The following ROBO2 variants were observed in gnomAD, a reference collection of about 807,000 sequenced individuals.
ROBO2 encodes roundabout homolog 2.
ROBO2 carries 53 observed loss-of-function variants against 160.8 expected under a neutral mutation model. That is an observed-to-expected ratio of 0.33 (90% CI 0.26 to 0.41). The LOEUF (loss-of-function observed/expected upper bound fraction) is 0.41, where lower values mean the gene tolerates loss of function less well. Among genes scored for constraint, ROBO2 ranks in the 10% least tolerant of loss-of-function variants. The probability of loss-of-function intolerance (pLI) is 1.00; values close to 1 mark genes in which losing one functional copy is unlikely to be tolerated. For missense variants in ROBO2, 1,577 were observed against 1,722.4 expected, an observed-to-expected ratio of 0.92 and a Z score of 1.49; for synonymous variants, 664 against 611.7, an observed-to-expected ratio of 1.09 and a Z score of -1.26.
At chr3:76,673,267 T>C (rs2092316938) in intron 2 of ROBO2, among the ~76,000 whole-genome samples, 1 of 152,314 alleles carries the variant, frequency 6.6e-6, no homozygotes, top group Non-Finnish European at 1.5e-5. Flanking sequence ...TTATGGGCTC[T>C]GCTTATCACA....
intron 1 of ROBO2, among the ~76,000 whole-genome samples, chr3:77,074,267 T>C (rs2067713459): frequency 6.6e-6 from 1 of 152,204 alleles, no homozygotes; most frequent in Admixed American, 6.5e-5. Flanking sequence ...TTAAACTGTC[T>C]CCAGAAGTGT....
intron 25 of ROBO2, among the ~76,000 whole-genome samples, chr3:77,645,324 G>A (rs2095402076): frequency 6.6e-6 from 1 of 152,118 alleles, no homozygotes; most frequent in Non-Finnish European, 1.5e-5. Flanking sequence ...AATTTGGGTA[G>A]TCACCCTTGA....
intron 2 of ROBO2, among the ~76,000 whole-genome samples, chr3:75,943,898 A>G (rs1948164164): frequency 3.3e-5 from 5 of 151,810 alleles, no homozygotes; most frequent in African/African-American, 1.2e-4. Context: ...ATTAGGTTTT[A>G]CCATGTTGGC....
chr3:76,178,667 G>A (rs1263509391), intron 2 of ROBO2, among the ~76,000 whole-genome samples: 5 of 152,148 alleles, frequency 3.3e-5, no homozygotes, highest in Non-Finnish European at 5.9e-5. Flanking sequence ...AACCTTGGCT[G>A]GATGCAGTGG....
intron 2 of ROBO2, among the ~76,000 whole-genome samples, chr3:76,890,447 G>A (rs1179346726): frequency 6.6e-6 from 1 of 152,080 alleles, no homozygotes; most frequent in Admixed American, 6.6e-5. Flanking sequence ...GTTTCAAAGT[G>A]GCAATATCAA....
intron 2 of ROBO2, chr3:75,964,886 T>C (rs1191199924): frequency 6.6e-6 from 1 of 151,688 alleles, no homozygotes; most frequent in Non-Finnish European, 1.5e-5. Context: ...ATGACAAATA[T>C]TCCTAAGTAT....
In ROBO2 at chr3:76,202,506, A is replaced by G. The variant is rs530396690; in HGVS notation, c.109+264904A>G. On this transcript the variant is annotated intron_variant, in intron 2 of 26. Transcript: ENST00000487694. ...CCCACCACAAAGGATGTTGCTTGGCATGAAAAAATAACCTGATCAACATTT... is the reference window on the plus strand; with the variant it reads ...CCCACCACAAAGGATGTTGCTTGGCGTGAAAAAATAACCTGATCAACATTT... 2.0e-5 allele frequency among the ~76,000 whole-genome samples: 3 copies of G among 152,324 alleles called. No individual in the cohort carries two copies. In the South Asian group the frequency reaches 6.2e-4, roughly 32 times the overall value.
intron 2 of ROBO2, among the ~76,000 whole-genome samples, chr3:76,293,916 C>T (rs1708935631): frequency 6.6e-6 from 1 of 152,320 alleles, no homozygotes; most frequent in East Asian, 1.9e-4. Flanking sequence ...CCACCATTCA[C>T]GGCACCCAGG....
chr3:77,405,841 A>G (rs1343465654), intron 2 of ROBO2, among the ~76,000 whole-genome samples: 5 of 152,180 alleles, frequency 3.3e-5, no homozygotes, highest in Non-Finnish European at 7.4e-5. Flanking sequence ...GCAAAATTCA[A>G]TGCAGAAAAT....
chr3:77,648,538 AG>A (rs2095427781), exon 26 of ROBO2: 1 of 152,354 alleles, frequency 6.6e-6, no homozygotes, highest in East Asian at 1.9e-4. Flanking sequence ...CTTTCAGAAT[AG>A]TCCATGTTGC....
rs75729127 is a variant in ROBO2 at position 76,441,484 on chromosome 3, C to G, written c.109+503882C>G. Among the ~76,000 whole-genome samples the G allele has an allele frequency of 9.6e-3, 1,455 of 152,210 alleles. 21 individuals carry two copies. Among genetic ancestry groups the G allele is most frequent in the African/African-American group, 0.034 (1,393 of 41,520 alleles). On this transcript the variant is annotated intron_variant, in intron 2 of 26. Transcript: ENST00000487694. ...TTCTTGAAAAGTTGTATATTCAAAACCAGAGGGAAGAACCGTAGTTTTCAG... is the reference window on the plus strand; with the variant it reads ...TTCTTGAAAAGTTGTATATTCAAAAGCAGAGGGAAGAACCGTAGTTTTCAG...
intron 1 of ROBO2, among the ~76,000 whole-genome samples, chr3:77,047,586 G>T (rs2064805552): frequency 2.0e-5 from 3 of 151,932 alleles, no homozygotes; most frequent in Middle Eastern, 3.4e-3. Flanking sequence ...CTACTCAGGA[G>T]GCTGAGGCAG....
intron 2 of ROBO2, among the ~76,000 whole-genome samples, chr3:76,020,177 A>G (rs2066532033): frequency 6.6e-6 from 1 of 151,906 alleles, no homozygotes; most frequent in Non-Finnish European, 1.5e-5. Context: ...TTGCTCTGTA[A>G]TATTAATAGA....
At chr3:77,642,673 C>A (rs1331439008) in intron 24 of ROBO2, 2 of 454,224 alleles carry the variant, frequency 4.4e-6, no homozygotes, top group Non-Finnish European at 4.4e-6. Context: ...ATTTTTAGAT[C>A]TTCCACCACC....
intron 2 of ROBO2, among the ~76,000 whole-genome samples, chr3:76,498,563 A>G (rs1398333493): frequency 6.6e-6 from 1 of 151,920 alleles, no homozygotes; most frequent in African/African-American, 2.4e-5. Flanking sequence ...TCTATGCAAG[A>G]AATACATAAT....
intron 2 of ROBO2, among the ~76,000 whole-genome samples, chr3:76,815,819 C>T (rs77164834): frequency 6.6e-6 from 1 of 152,122 alleles, no homozygotes; most frequent in African/African-American, 2.4e-5. Flanking sequence ...GTTCCCTTTC[C>T]TCACTCATAT....
intron 2 of ROBO2, among the ~76,000 whole-genome samples, chr3:76,389,845 T>C (rs2077064227): frequency 6.6e-6 from 1 of 152,208 alleles, no homozygotes; most frequent in African/African-American, 2.4e-5. Context: ...TTTATTTCAG[T>C]TGAACATAGA....
intron 23 of ROBO2, among the ~76,000 whole-genome samples, chr3:77,624,060 GA>G (rs1287532394): frequency 6.6e-6 from 1 of 151,942 alleles, no homozygotes; most frequent in Non-Finnish European, 1.5e-5. Context: ...TTATTGCTGA[GA>G]AAAAAAGTCT....
At chr3:76,102,018 C>G (rs939107876) in intron 2 of ROBO2, among the ~76,000 whole-genome samples, 1 of 143,698 alleles carries the variant, frequency 7.0e-6, no homozygotes, top group African/African-American at 2.6e-5. Flanking sequence ...CATTGTACCC[C>G]GGGGTGTGAT....
Sources: gnomAD v4.1 joint callset for allele counts (sites outside exome capture counted in the v4.1 genomes callset) on GRCh38, gnomAD v4.1.1 for gene constraint, MANE v1.5 for transcripts, NCBI Gene and HGNC (gene_info 2026-07-23, HGNC 2026-07-21) for gene names.